HDAC4: variants seen among roughly 807,000 people sequenced by gnomAD.
HDAC4 encodes the protein histone deacetylase 4, also known as histone deacetylase A.
HDAC4 carries 16 observed loss-of-function variants against 135.1 expected under a neutral mutation model. The ratio of observed to expected loss-of-function variants is 0.12; its 90% CI spans 0.08 to 0.18. The LOEUF (loss-of-function observed/expected upper bound fraction) is 0.18. Ranked by LOEUF, HDAC4 falls within the 10% of genes least tolerant of loss-of-function variation. The pLI is 1.00. For synonymous variants in HDAC4, 685 were observed against 653.4 expected (o/e 1.05, Z -0.74); for missense variants, 1,143 against 1,511.8 (o/e 0.76, Z 4.05).
chr2:239,242,498 C>T (rs1559274556), intron 2 of HDAC4, among the ~76,000 whole-genome samples: 1 of 152,174 alleles, frequency 6.6e-6, no homozygotes, highest in Non-Finnish European at 1.5e-5. Flanking sequence ...TTAATTTTTA[C>T]TTATTGGTTC....
At position 239,111,710 on chromosome 2, in the gene HDAC4, T is replaced by C; in HGVS notation, c.1794A>G (p.Gln598=). 1 of 1,595,492 alleles carries C rather than the reference T, an allele frequency of 6.3e-7. No homozygotes were observed. Among genetic ancestry groups the C allele is most frequent in the Non-Finnish European group, 8.5e-7 (1 of 1,171,624 alleles). Residue 598 remains glutamine, a splice_region_variant and synonymous_variant, in exon 14 of 27, where the codon CAA becomes CAG. Transcript: ENST00000543185. ...PSEQELLFRQ[Q]ALLLEQQRIH... is the part of the protein sequence containing the mutation. ...TCCGCTGCTGCTCCAGCAGGAGGGC[T>C]TGCTGCGGGGAAGAAACGGCCGTGT...
intron 2 of HDAC4, among the ~76,000 whole-genome samples, chr2:239,318,165 C>A (rs1434998301): frequency 6.6e-6 from 1 of 152,140 alleles, no homozygotes; most frequent in Non-Finnish European, 1.5e-5. Context: ...ATCTCCCTAC[C>A]AGATACCTGC....
chr2:239,246,400 C>T (rs1403002211), intron 2 of HDAC4, among the ~76,000 whole-genome samples: 4 of 152,188 alleles, frequency 2.6e-5, no homozygotes, highest in South Asian at 4.1e-4. Context: ...CCACAGGACG[C>T]GAGGAGCAGT....
At chr2:239,200,843 G>T (rs981158810) in intron 3 of HDAC4, among the ~76,000 whole-genome samples, 2 of 152,188 alleles carry the variant, frequency 1.3e-5, no homozygotes, top group African/African-American at 2.4e-5. Flanking sequence ...GAAGGCAGCT[G>T]CAGCACATGG....
At chr2:239,282,456 T>C (rs184588899) in intron 2 of HDAC4, among the ~76,000 whole-genome samples, 2,319 of 134,580 alleles carry the variant, frequency 0.017, 66 homozygotes, top group Non-Finnish European at 0.026. Context: ...TCAATGTACA[T>C]ACCACTCTCA....
At chr2:239,223,011 CT>C (rs1286646744) in intron 3 of HDAC4, among the ~76,000 whole-genome samples, 2 of 152,192 alleles carry the variant, frequency 1.3e-5, no homozygotes, top group Non-Finnish European at 2.9e-5. Flanking sequence ...TCCAAATACC[CT>C]AAACCCAATG....
chr2:239,329,006 A>G (rs1000845065), intron 2 of HDAC4, among the ~76,000 whole-genome samples: 1 of 152,380 alleles, frequency 6.6e-6, no homozygotes, highest in African/African-American at 2.4e-5. Flanking sequence ...CTGGGAGTGT[A>G]AGCTGAGCTC....
At chr2:239,126,238 G>A (rs1354562966) in intron 12 of HDAC4, among the ~76,000 whole-genome samples, 1 of 152,246 alleles carries the variant, frequency 6.6e-6, no homozygotes, top group Non-Finnish European at 1.5e-5. Context: ...ACTCCCTGCA[G>A]GTGAACTGTT....
intron 15 of HDAC4, among the ~76,000 whole-genome samples, chr2:239,103,950 T>C (rs1356783603): frequency 6.6e-6 from 1 of 152,248 alleles, no homozygotes; most frequent in African/African-American, 2.4e-5. Flanking sequence ...GCAGGTGCGC[T>C]GGGCAGGGAC....
intron 2 of HDAC4, among the ~76,000 whole-genome samples, chr2:239,288,202 A>C (rs964931846): frequency 6.6e-6 from 1 of 152,246 alleles, no homozygotes; most frequent in African/African-American, 2.4e-5. Flanking sequence ...ACTGGAAGAG[A>C]TAAGGGAAGT....
At chr2:239,080,927 T>G in intron 22 of HDAC4, 168 bp downstream of exon 22, 7 of 601,516 alleles carry the variant, frequency 1.2e-5, no homozygotes, top group Admixed American at 2.9e-5. Flanking sequence ...TCGCCAAGAT[T>G]CCACGCTTGG....
chr2:239,386,026 C>T (rs547303053), intron 1 of HDAC4, among the ~76,000 whole-genome samples: 4 of 152,132 alleles, frequency 2.6e-5, no homozygotes, highest in Admixed American at 6.6e-5. Flanking sequence ...GAATCTGGGT[C>T]GGGGAGGCTG....
chr2:239,297,150 C>A (rs771648133), intron 2 of HDAC4, among the ~76,000 whole-genome samples: 17 of 152,010 alleles, frequency 1.1e-4, no homozygotes, highest in African/African-American at 1.7e-4. Context: ...ATGTGCTGCT[C>A]TTTGTAAGCT....
At chr2:239,081,307 G>T in intron 21 of HDAC4, 115 bp from the exon 22 acceptor site, 2 of 821,586 alleles carry the variant, frequency 2.4e-6, no homozygotes, top group Non-Finnish European at 4.1e-6. Flanking sequence ...CCCCTGGGGA[G>T]AGCCCACGTG....
At chr2:239,063,465 AAGTGCTGGGATTAC>A (rs879496973) in intron 24 of HDAC4, among the ~76,000 whole-genome samples, 2 of 151,904 alleles carry the variant, frequency 1.3e-5, no homozygotes, top group Non-Finnish European at 2.9e-5. Flanking sequence ...CGGCCTCCCA[AAGTGCTGGGATTAC>A]AGGCGTGAGC....
Position 239,274,406 on chromosome 2 carries a change from C to T in HDAC4, c.23-37742G>A, listed in dbSNP as rs75726132. Among the ~76,000 whole-genome samples the T allele has an allele frequency of 2.2e-3, 331 of 152,214 alleles. 2 individuals carry two copies. Among genetic ancestry groups the T allele is most frequent in the African/African-American group, 7.8e-3 (324 of 41,524 alleles). ...ACGACAGGACAAGCCCAGTGCACCC[C>T]GGCGTCCCCTCCCAGTTTTAAGGAC... is the stretch of plus-strand genomic sequence containing the variant. On this transcript the variant is annotated intron_variant, in intron 2 of 26. Coordinates refer to ENST00000543185, the MANE Select transcript of HDAC4 (RefSeq NM_001378414.1).
intron 11 of HDAC4, 69 bp from the exon 12 acceptor site, chr2:239,126,763 G>A (rs2152852686): frequency 1.3e-6 from 2 of 1,511,724 alleles, no homozygotes; most frequent in Admixed American, 3.4e-5. Flanking sequence ...GAGGGCTATT[G>A]AGTAAGTGAT....
At position 239,146,923 on chromosome 2, in the gene HDAC4, G is replaced by A. The variant is rs556594162; in HGVS notation, c.734-2209C>T. On this transcript the variant is annotated intron_variant, in intron 7 of 26. Transcript: ENST00000543185. This position sits in a 1 kb window ranked among gnomAD's most constrained non-coding sequence, Gnocchi z 4.5. The stretch of plus-strand genomic sequence containing the variant: ...CTGCCTGGGCTCCCTGATTCTAGCC[G>A]ACTGCACGTCCCTGGTCGACTCTGC... Among the ~76,000 whole-genome samples the A allele has an allele frequency of 1.3e-5, 2 of 152,238 alleles. No individual in the cohort carries two copies. Among genetic ancestry groups the A allele is most frequent in the South Asian group, 2.1e-4 (1 of 4,816 alleles).
intron 3 of HDAC4, among the ~76,000 whole-genome samples, chr2:239,215,227 G>C (rs1413592525): frequency 6.6e-6 from 1 of 152,208 alleles, no homozygotes; most frequent in Non-Finnish European, 1.5e-5. Context: ...AGGCACCTGA[G>C]GACTGGTGGC....
Sources: allele counts gnomAD v4.1 joint callset (sites outside exome capture counted in the v4.1 genomes callset), GRCh38; gene constraint gnomAD v4.1.1; non-coding constraint Gnocchi (gnomAD v3.1); transcripts MANE v1.5; gene names NCBI Gene and HGNC (gene_info 2026-07-23, HGNC 2026-07-21).